Variants in THSD4 observed in about 807,000 individuals in gnomAD.
THSD4 encodes the protein thrombospondin type-1 domain-containing protein 4.
Under a neutral mutation model 119.0 loss-of-function variants are expected in THSD4, and 69 were observed. The observed-to-expected ratio is 0.58, with a 90% CI of 0.48 to 0.71. The LOEUF (loss-of-function observed/expected upper bound fraction) is 0.71, where lower values mean the gene tolerates loss of function less well. Among genes scored for constraint, THSD4 ranks in the 30% least tolerant of loss-of-function variants. The pLI is 0.00. For synonymous variants in THSD4, 524 were observed against 540.4 expected (o/e 0.97, Z 0.42); for missense variants, 1,393 against 1,391.1 (o/e 1.00, Z -0.02).
intron 6 of THSD4, among the ~76,000 whole-genome samples, chr15:71,388,663 AGTGTGTGTGT>A: frequency 7.4e-6 from 1 of 134,310 alleles, no homozygotes; most frequent in South Asian, 2.4e-4. Flanking sequence ...CTTTGGAGAG[AGTGTGTGTGT>A]GTGTGTGTGT....
Position 71,484,632 on chromosome 15 carries a change from A to G in THSD4, c.1152+72809A>G, listed in dbSNP as rs139268434. On this transcript the variant is annotated intron_variant, in intron 7 of 17. Transcript: ENST00000261862. ...GGAGGTTTGAACTTGGGAAGGTTCA[A>G]AGTCGGGGGCTGAACTCTGAAAAGT... Among the ~76,000 whole-genome samples the G allele has an allele frequency of 8.3e-4, 127 of 152,284 alleles. 1 individual carries two copies. Among genetic ancestry groups the G allele is most frequent in the African/African-American group, 3.0e-3 (124 of 41,554 alleles).
chr15:71,484,869 T>C (rs1168126571), intron 7 of THSD4, among the ~76,000 whole-genome samples: 1 of 152,212 alleles, frequency 6.6e-6, no homozygotes, highest in Non-Finnish European at 1.5e-5. Flanking sequence ...CAAGGACTTC[T>C]GACCTAATAA....
At chr15:71,445,609 G>C (rs1305954586) in intron 7 of THSD4, among the ~76,000 whole-genome samples, 1 of 152,094 alleles carries the variant, frequency 6.6e-6, no homozygotes, top group Non-Finnish European at 1.5e-5. Context: ...TCTGTTCCCC[G>C]TCATCTTGAT....
chr15:71,514,608 C>T (rs568118296), intron 7 of THSD4, among the ~76,000 whole-genome samples: 31 of 152,036 alleles, frequency 2.0e-4, no homozygotes, highest in Admixed American at 1.1e-3. Flanking sequence ...TTGTTTTATT[C>T]GTAAGATCTT....
chr15:71,595,345 G>A (rs537875623), intron 7 of THSD4, among the ~76,000 whole-genome samples: 2 of 152,196 alleles, frequency 1.3e-5, no homozygotes, highest in Non-Finnish European at 2.9e-5. Context: ...GTAATTTAAT[G>A]ATGGGGGCTG....
At chr15:71,316,664 G>A (rs1222359411) in intron 6 of THSD4, among the ~76,000 whole-genome samples, 1 of 152,084 alleles carries the variant, frequency 6.6e-6, no homozygotes, top group Non-Finnish European at 1.5e-5. Context: ...ACTGAACCTG[G>A]GGCAAGCTTC....
intron 6 of THSD4, among the ~76,000 whole-genome samples, chr15:71,272,278 G>A (rs551012190): frequency 4.0e-4 from 61 of 151,044 alleles, no homozygotes; most frequent in African/African-American, 1.4e-3. Context: ...GCACGCACCT[G>A]TAGTCCCAGC....
chr15:71,466,904 G>A (rs540615326), intron 7 of THSD4, among the ~76,000 whole-genome samples: 1 of 152,340 alleles, frequency 6.6e-6, no homozygotes, highest in South Asian at 2.1e-4. Flanking sequence ...TGCCTCAAGG[G>A]CCTCTGGCCT....
chr15:71,573,209 A>G (rs532500619), intron 7 of THSD4, among the ~76,000 whole-genome samples: 1 of 152,326 alleles, frequency 6.6e-6, no homozygotes, highest in East Asian at 1.9e-4. Context: ...CTGCTCACCC[A>G]GGGCCTTGCA....
chr15:71,428,667 A>C (rs1319393658), intron 7 of THSD4, among the ~76,000 whole-genome samples: 1 of 152,224 alleles, frequency 6.6e-6, no homozygotes, highest in Non-Finnish European at 1.5e-5. Context: ...TGAGGACAAA[A>C]GTGTCAGATG....
At chr15:71,230,331 A>G (rs1376373025) in intron 4 of THSD4, among the ~76,000 whole-genome samples, 4 of 152,186 alleles carry the variant, frequency 2.6e-5, no homozygotes. Flanking sequence ...GAATGCATTT[A>G]CTGTTCTTTC....
At chr15:71,475,940 T>G (rs1005787547) in intron 7 of THSD4, among the ~76,000 whole-genome samples, 3 of 151,892 alleles carry the variant, frequency 2.0e-5, no homozygotes, top group African/African-American at 7.3e-5. Flanking sequence ...AAAAAAAAAA[T>G]TCTTTATTTT....
chr15:71,741,063 G>A (rs542165428), intron 11 of THSD4, among the ~76,000 whole-genome samples: 8 of 152,188 alleles, frequency 5.3e-5, no homozygotes, highest in South Asian at 2.1e-4. Context: ...TTTCAAATGC[G>A]GAATATATGA....
intron 6 of THSD4, among the ~76,000 whole-genome samples, chr15:71,404,437 G>A (rs1247685688): frequency 1.3e-5 from 2 of 152,100 alleles, no homozygotes; most frequent in African/African-American, 2.4e-5. Context: ...GCTTCCTGTT[G>A]TCAAATAATA....
At chr15:71,652,443 C>T (rs779324752) in intron 7 of THSD4, among the ~76,000 whole-genome samples, 35 of 152,174 alleles carry the variant, frequency 2.3e-4, no homozygotes, top group Non-Finnish European at 4.3e-4. Context: ...GAGCAATTAT[C>T]ACTGTCAAAA....
At chr15:71,375,522 G>A (rs980677746) in intron 6 of THSD4, among the ~76,000 whole-genome samples, 2 of 152,194 alleles carry the variant, frequency 1.3e-5, no homozygotes. Context: ...TTGGGAGCAG[G>A]GACTTTGCCT....
At chr15:71,750,772 C>T (rs1382091452) in intron 14 of THSD4, among the ~76,000 whole-genome samples, 6 of 152,250 alleles carry the variant, frequency 3.9e-5, no homozygotes. Flanking sequence ...TGGCCACTGA[C>T]TCAAGCTTCT....
chr15:71,287,009 T>C (rs1354113451), intron 6 of THSD4, among the ~76,000 whole-genome samples: 1 of 152,248 alleles, frequency 6.6e-6, no homozygotes, highest in African/African-American at 2.4e-5. Flanking sequence ...TTGCCTATTA[T>C]CGTTCACATT....
rs141115064 is a variant in THSD4, at chr15:71,215,955, C to T, written c.464+556C>T. 1.1e-3 allele frequency among the ~76,000 whole-genome samples: 168 copies of T among 152,324 alleles called. 1 individual carries two copies. Among genetic ancestry groups the T allele is most frequent in the African/African-American group, 3.7e-3 (154 of 41,564 alleles). On this transcript the variant is annotated intron_variant, in intron 4 of 17. Coordinates refer to ENST00000261862, the MANE Select transcript of THSD4 (RefSeq NM_024817.3). ...TTGGTTTGAGGATATGTCTAAGGAC[C>T]TAAACTGTTTCAGAGTCATAAAATG...
Sources: allele counts gnomAD v4.1 joint callset (sites outside exome capture counted in the v4.1 genomes callset), GRCh38; gene constraint gnomAD v4.1.1; transcripts MANE v1.5; gene names NCBI Gene and HGNC (gene_info 2026-07-23, HGNC 2026-07-21).